The following CPNE4 variants were observed in gnomAD, a reference collection of about 807,000 sequenced individuals.
CPNE4 encodes copine 4, also known as copine-4.
Under a neutral mutation model 67.9 loss-of-function variants are expected in CPNE4, and 25 were observed. The ratio of observed to expected loss-of-function variants is 0.37; its 90% confidence interval spans 0.27 to 0.51. The LOEUF is 0.51. CPNE4 is among the 20% of genes least tolerant of loss of function. The pLI, the probability that CPNE4 is intolerant of heterozygous loss-of-function variation, is 0.93. For synonymous variants in CPNE4, 242 were observed against 244.9 expected (o/e 0.99, Z 0.11); for missense variants, 464 against 690.8 (o/e 0.67, Z 3.68).
At chr3:131,896,000 A>C (rs373268301) in intron 2 of CPNE4, among the ~76,000 whole-genome samples, 1 of 152,040 alleles carries the variant, frequency 6.6e-6, no homozygotes, top group South Asian at 2.1e-4. Context: ...GATCACTTTA[A>C]GAATGTTCCT....
At chr3:131,785,876 A>G (rs2083549216) in intron 2 of CPNE4, among the ~76,000 whole-genome samples, 1 of 152,068 alleles carries the variant, frequency 6.6e-6, no homozygotes, top group African/African-American at 2.4e-5. Context: ...CATGTTTTAT[A>G]TATTGTTATC....
At chr3:131,955,183 T>C (rs569489697) in intron 1 of CPNE4, among the ~76,000 whole-genome samples, 1 of 151,726 alleles carries the variant, frequency 6.6e-6, no homozygotes, top group South Asian at 2.1e-4. Flanking sequence ...AGTGGAGATG[T>C]GCATCCTTGT....
intron 3 of CPNE4, among the ~76,000 whole-genome samples, chr3:131,716,704 T>C (rs1438343054): frequency 6.6e-6 from 1 of 152,244 alleles, no homozygotes; most frequent in Non-Finnish European, 1.5e-5. Flanking sequence ...CCGGGGGCTC[T>C]GTTAAGCATT....
At chr3:132,030,082 T>A (rs949626723) in intron 1 of CPNE4, among the ~76,000 whole-genome samples, 3 of 151,896 alleles carry the variant, frequency 2.0e-5, no homozygotes, top group Non-Finnish European at 4.4e-5. Flanking sequence ...GTCCCAAGCC[T>A]ACTCCTCCTA....
intron 1 of CPNE4, among the ~76,000 whole-genome samples, chr3:131,997,474 G>A (rs1435135568): frequency 6.6e-6 from 1 of 152,060 alleles, no homozygotes; most frequent in Non-Finnish European, 1.5e-5. Flanking sequence ...GAAGCTATGT[G>A]ATGTTGATCA....
chr3:131,561,841 A>G (rs905298647), intron 11 of CPNE4, among the ~76,000 whole-genome samples: 3 of 152,082 alleles, frequency 2.0e-5, no homozygotes, highest in Admixed American at 2.0e-4. Flanking sequence ...CCACCCACAC[A>G]AAAGAGAAAC....
chr3:132,010,553 C>CT (rs1363835352), intron 1 of CPNE4, among the ~76,000 whole-genome samples: 1 of 152,146 alleles, frequency 6.6e-6, no homozygotes, highest in Non-Finnish European at 1.5e-5. Context: ...TGTTGCTTTG[C>CT]TCAGCCTGGG....
chr3:131,583,647 G>A (rs1937984625), intron 8 of CPNE4, among the ~76,000 whole-genome samples: 1 of 152,204 alleles, frequency 6.6e-6, no homozygotes, highest in African/African-American at 2.4e-5. Flanking sequence ...TTAGTCAGGA[G>A]AGGGCTCCAA....
chr3:131,646,494 C>T (rs1308558790), intron 7 of CPNE4, among the ~76,000 whole-genome samples: 1 of 152,120 alleles, frequency 6.6e-6, no homozygotes, highest in Non-Finnish European at 1.5e-5. Flanking sequence ...AAAACCTCCC[C>T]CATGTTTCTA....
At position 131,716,078 on chromosome 3, in the gene CPNE4, G is replaced by A. The variant is rs573840842; in HGVS notation, c.360+7368C>T. The stretch of plus-strand genomic sequence containing the variant: ...TTTATTTGGCATTTTTGCTCAGTGT[G>A]AAGTCACTTGCTGTGCTTATACTCA... On this transcript the variant is annotated intron_variant, in intron 3 of 15. Coordinates refer to ENST00000429747, the MANE Select transcript of CPNE4 (RefSeq NM_130808.3). Among the ~76,000 whole-genome samples the A allele has an allele frequency of 1.6e-4, 25 of 152,276 alleles. No homozygotes were observed. The South Asian group carries it at 5.0e-3, about 30-fold the overall frequency.
chr3:131,638,262 A>C (rs76814015), intron 7 of CPNE4, among the ~76,000 whole-genome samples: 23,207 of 152,008 alleles, frequency 0.15, 3,814 homozygotes, highest in African/African-American at 0.41. Flanking sequence ...ATGGATAAGA[A>C]TTCACCAACC....
intron 7 of CPNE4, among the ~76,000 whole-genome samples, chr3:131,591,879 A>G (rs1361051449): frequency 2.0e-5 from 3 of 152,212 alleles, no homozygotes; most frequent in Non-Finnish European, 4.4e-5. Flanking sequence ...ACTGAGACAG[A>G]GGCAGAGTCC....
chr3:131,762,252 C>T (rs2082906408), intron 2 of CPNE4, among the ~76,000 whole-genome samples: 1 of 152,018 alleles, frequency 6.6e-6, no homozygotes, highest in Non-Finnish European at 1.5e-5. Flanking sequence ...CCCAGGAAGA[C>T]AGTGTCTAAA....
intron 3 of CPNE4, among the ~76,000 whole-genome samples, chr3:131,710,669 A>T (rs1195025720): frequency 6.6e-6 from 1 of 152,192 alleles, no homozygotes; most frequent in Non-Finnish European, 1.5e-5. Flanking sequence ...TTCATAATTT[A>T]TCAAGCGGGG....
rs71788145 is a variant in CPNE4, at chr3:131,737,115, C to CTTTTTTTTTTTTTTTTTTTTTTT, written c.181-13513_181-13491dup. On this transcript the variant is annotated intron_variant, in intron 2 of 15. Coordinates refer to ENST00000429747, the MANE Select transcript of CPNE4 (RefSeq NM_130808.3). Reference sequence around the variant, plus strand: ...TGCCTCTTTTTATGAAGTATTGTGTCTTTTTTTTTTTTTTTTTTTTTTTTT... The same window carrying CTTTTTTTTTTTTTTTTTTTTTTT: ...TGCCTCTTTTTATGAAGTATTGTGTCTTTTTTTTTTTTTTTTTTTTTTTTTTTTTTTTTTTTTTTTTTTTTTTT... Among the ~76,000 whole-genome samples the CTTTTTTTTTTTTTTTTTTTTTTT allele has an allele frequency of 1.7e-3, 83 of 49,402 alleles. 16 individuals are homozygous for CTTTTTTTTTTTTTTTTTTTTTTT. Among genetic ancestry groups the CTTTTTTTTTTTTTTTTTTTTTTT allele is most frequent in the East Asian group, 4.3e-3 (5 of 1,156 alleles). 32.4% of individuals were successfully genotyped at this position (49,402 alleles called of 152,430 possible). A position where few individuals can be genotyped will look rare whatever the true frequency, so the allele number is the denominator to read the frequency against.
intron 2 of CPNE4, among the ~76,000 whole-genome samples, chr3:131,863,359 C>T (rs1449086233): frequency 1.3e-5 from 2 of 152,258 alleles, no homozygotes; most frequent in East Asian, 3.9e-4. Context: ...TCCACATCCT[C>T]TCCAGCACCT....
chr3:131,965,550 A>C lies in CPNE4; in HGVS notation c.-1-60106T>G, dbSNP rs1328383070. On this transcript the variant is annotated intron_variant, in intron 1 of 15. Transcript: ENST00000429747. ...GGAATATTTACTAAGCAAATGGAAA[A>C]CAAAAAACATCAGGATTTGCAATGC... Among the ~76,000 whole-genome samples, 3 of 151,172 alleles carry C rather than the reference A, an allele frequency of 2.0e-5. No homozygotes were observed. The East Asian group carries it at 5.9e-4, about 30-fold the overall frequency.
intron 7 of CPNE4, among the ~76,000 whole-genome samples, chr3:131,656,671 C>G (rs2079978293): frequency 6.6e-6 from 1 of 152,216 alleles, no homozygotes; most frequent in Non-Finnish European, 1.5e-5. Flanking sequence ...GTTCCTTTCC[C>G]ACGGACCTTG....
At chr3:131,870,186 C>T (rs1405610708) in intron 2 of CPNE4, among the ~76,000 whole-genome samples, 1 of 152,132 alleles carries the variant, frequency 6.6e-6, no homozygotes, top group African/African-American at 2.4e-5. Context: ...TCCTAGGGCT[C>T]ACATGGCTGC....
Sources: gnomAD v4.1 joint callset for allele counts (sites outside exome capture counted in the v4.1 genomes callset) on GRCh38, gnomAD v4.1.1 for gene constraint, MANE v1.5 for transcripts, NCBI Gene and HGNC (gene_info 2026-07-23, HGNC 2026-07-21) for gene names.